The following FBXL7 variants were observed in gnomAD, a reference collection of about 807,000 sequenced individuals.
FBXL7 encodes the protein F-box and leucine rich repeat protein 7.
In FBXL7, 12 loss-of-function variants were observed where a neutral mutation model predicts 38.3. That is an observed-to-expected ratio of 0.31 (90% CI 0.20 to 0.51). The LOEUF (loss-of-function observed/expected upper bound fraction) is 0.51. Ranked by LOEUF, FBXL7 falls within the 20% of genes least tolerant of loss-of-function variation. FBXL7 has a pLI of 0.98. For synonymous variants in FBXL7, 297 were observed against 300.9 expected, an observed-to-expected ratio of 0.99 and a Z score of 0.13; for missense variants, 567 against 676.4, an observed-to-expected ratio of 0.84 and a Z score of 1.79.
intron 1 of FBXL7, among the ~76,000 whole-genome samples, chr5:15,552,050 G>C (rs1437102849): frequency 1.3e-5 from 2 of 152,154 alleles, no homozygotes; most frequent in Non-Finnish European, 1.5e-5. Flanking sequence ...TTCTTTTCAG[G>C]CACTCTGACA....
At chr5:15,730,613 G>A (rs901643738) in intron 2 of FBXL7, among the ~76,000 whole-genome samples, 1 of 152,130 alleles carries the variant, frequency 6.6e-6, no homozygotes, top group African/African-American at 2.4e-5. Context: ...AAGAGAAAGG[G>A]TTAGATTTGG....
chr5:15,848,825 T>C (rs1739005296), intron 2 of FBXL7, among the ~76,000 whole-genome samples: 1 of 152,252 alleles, frequency 6.6e-6, no homozygotes, highest in Admixed American at 6.5e-5. Flanking sequence ...CCCCTGTTTT[T>C]TCTGCAGAAA....
intron 1 of FBXL7, among the ~76,000 whole-genome samples, chr5:15,564,357 C>T (rs1319065696): frequency 6.7e-6 from 1 of 148,662 alleles, no homozygotes; most frequent in East Asian, 2.0e-4. Flanking sequence ...GTGAATAGGA[C>T]AATTATGATG....
intron 1 of FBXL7, among the ~76,000 whole-genome samples, chr5:15,510,279 A>G (rs1190729936): frequency 6.6e-6 from 1 of 152,236 alleles, no homozygotes; most frequent in Non-Finnish European, 1.5e-5. Context: ...AGCAGTGGAA[A>G]GGGAGTCAAA....
chr5:15,724,680 A>T (rs575933551), intron 2 of FBXL7, among the ~76,000 whole-genome samples: 1 of 152,342 alleles, frequency 6.6e-6, no homozygotes, highest in Admixed American at 6.5e-5. Flanking sequence ...CTGGTGATTT[A>T]TAACATTTTA....
intron 2 of FBXL7, among the ~76,000 whole-genome samples, chr5:15,705,380 C>T (rs931151496): frequency 7.9e-5 from 12 of 152,206 alleles, no homozygotes; most frequent in African/African-American, 2.9e-4. Flanking sequence ...GGGCGAGAAT[C>T]CTACCTGTCC....
At chr5:15,551,680 G>C (rs2435069) in intron 1 of FBXL7, among the ~76,000 whole-genome samples, 24,950 of 152,082 alleles carry the variant, frequency 0.16, 2,104 homozygotes, top group South Asian at 0.25. Flanking sequence ...ACATATTAAG[G>C]AATTTTTTCC....
chr5:15,655,641 G>A (rs1472864169), intron 2 of FBXL7, among the ~76,000 whole-genome samples: 5 of 152,174 alleles, frequency 3.3e-5, no homozygotes, highest in Non-Finnish European at 5.9e-5. Flanking sequence ...TTGCCTGAAT[G>A]TTTCACAGCG....
At chr5:15,726,735 G>C (rs967987443) in intron 2 of FBXL7, among the ~76,000 whole-genome samples, 1 of 96,766 alleles carries the variant, frequency 1.0e-5, no homozygotes, top group Non-Finnish European at 2.3e-5. Flanking sequence ...AATAAAATGA[G>C]CCTTTTGTGG....
intron 2 of FBXL7, among the ~76,000 whole-genome samples, chr5:15,778,774 T>C (rs1378338337): frequency 6.6e-6 from 1 of 152,090 alleles, no homozygotes; most frequent in Non-Finnish European, 1.5e-5. Context: ...CCAGTTGCAA[T>C]GGCTTAACAA....
intron 2 of FBXL7, among the ~76,000 whole-genome samples, chr5:15,821,286 A>G (rs1738162958): frequency 6.6e-6 from 1 of 152,200 alleles, no homozygotes; most frequent in African/African-American, 2.4e-5. Flanking sequence ...TAATTTTTTT[A>G]GGTTATTAGC....
At position 15,936,494 on chromosome 5, in the gene FBXL7, A is replaced by G. The variant is rs1257786843; in HGVS notation, c.784A>G (p.Ile262Val). ...CATCAGCTTGACCCGGGAGGCCTCC[A>G]TTAAACTGTCACCCTTGCATGGCAA... The part of the protein sequence containing the change: ...TCISLTREAS[I>V]KLSPLHGKQI... The change falls in exon 4 of 4, where the codon ATT becomes GTT. Residue 262 changes from isoleucine (I) to valine (V), a missense_variant. By Grantham distance (29) the Ile-to-Val change is conservative. Coordinates refer to ENST00000504595, the MANE Select transcript of FBXL7 (RefSeq NM_012304.5). This position sits in a 1 kb window ranked among gnomAD's most constrained non-coding sequence, Gnocchi z 6.0. 6.2e-7 allele frequency: 1 copy of G among 1,613,496 alleles called. No homozygotes were observed. The highest frequency in any genetic ancestry group is 8.5e-7 in the Non-Finnish European group (1 of 1,179,904).
chr5:15,767,713 A>G (rs949340301), intron 2 of FBXL7, among the ~76,000 whole-genome samples: 6 of 152,180 alleles, frequency 3.9e-5, no homozygotes, highest in African/African-American at 9.6e-5. Flanking sequence ...ATTTTTGACA[A>G]TCTTTTATTA....
intron 1 of FBXL7, among the ~76,000 whole-genome samples, chr5:15,610,589 C>T (rs1174368829): frequency 6.6e-6 from 1 of 152,104 alleles, no homozygotes; most frequent in South Asian, 2.1e-4. Context: ...TGAGCACCAC[C>T]CTCCCTGCCT....
chr5:15,515,426 T>G (rs1736908114), intron 1 of FBXL7, among the ~76,000 whole-genome samples: 1 of 152,224 alleles, frequency 6.6e-6, no homozygotes, highest in South Asian at 2.1e-4. Context: ...GTTCTGCTGC[T>G]GCTATAACTC....
chr5:15,764,858 C>T (rs541072422), intron 2 of FBXL7, among the ~76,000 whole-genome samples: 49 of 152,320 alleles, frequency 3.2e-4, no homozygotes, highest in African/African-American at 1.2e-3. Context: ...AGTTTACAAG[C>T]TTTTCCTCTA....
intron 2 of FBXL7, among the ~76,000 whole-genome samples, chr5:15,630,066 A>G (rs1740949072): frequency 6.6e-6 from 1 of 152,188 alleles, no homozygotes; most frequent in African/African-American, 2.4e-5. Flanking sequence ...GGAACAGAAG[A>G]TACCATTTCT....
intron 2 of FBXL7, among the ~76,000 whole-genome samples, chr5:15,838,223 ATGGC>A (rs777717174): frequency 6.7e-4 from 102 of 152,264 alleles, no homozygotes; most frequent in African/African-American, 2.4e-3. Flanking sequence ...AAGCCACAAG[ATGGC>A]TGGCTTATAA....
rs574296833 is a variant in FBXL7 at position 15,625,503 on chromosome 5, A to C, written c.127+9431A>C. Among the ~76,000 whole-genome samples the C allele has an allele frequency of 3.5e-4, 53 of 152,216 alleles. No homozygotes were observed. The East Asian group carries it at 4.7e-3, about 13-fold the overall frequency. On this transcript the variant is annotated intron_variant, in intron 2 of 3. Coordinates refer to ENST00000504595, the MANE Select transcript of FBXL7 (RefSeq NM_012304.5). ...CCCCGTCTCTACTAAAAATACAAAA[A>C]ATTAGCTGAGTGTAGTGGCATGCAT...
Sources: gnomAD v4.1 joint callset for allele counts (sites outside exome capture counted in the v4.1 genomes callset) on GRCh38, gnomAD v4.1.1 for gene constraint, Gnocchi (gnomAD v3.1) non-coding constraint, MANE v1.5 for transcripts, NCBI Gene and HGNC (gene_info 2026-07-23, HGNC 2026-07-21) for gene names.